Variants in PTPN12 observed in about 807,000 individuals in gnomAD.
PTPN12 encodes the protein protein tyrosine phosphatase non-receptor type 12.
PTPN12 carries 29 observed loss-of-function variants against 97.6 expected under a neutral mutation model. The ratio of observed to expected loss-of-function variants is 0.30; its 90% CI spans 0.22 to 0.41. PTPN12 has a LOEUF of 0.41. Among genes scored for constraint, PTPN12 ranks in the 10% least tolerant of loss-of-function variants. PTPN12 has a pLI of 1.00. For missense variants in PTPN12, 819 were observed against 926.0 expected (o/e 0.88, Z 1.50); for synonymous variants, 327 against 300.4 (o/e 1.09, Z -0.91).
rs1344526329 is a variant in PTPN12, at chr7:77,635,849, A to G, written c.2142A>G (p.Glu714=). Reference sequence around the variant, plus strand: ...AACGATCTGAACAAAAAAAGTCTGAAGTAAGTCCTTTTGGAATTGGAACAG... The same window carrying G: ...AACGATCTGAACAAAAAAAGTCTGAGGTAAGTCCTTTTGGAATTGGAACAG... ...SQERSEQKKS[E]GLITSENEKC... is the part of the protein sequence containing the mutation. Residue 714 remains glutamate, a splice_region_variant and synonymous_variant, in exon 15 of 18, where the codon GAA becomes GAG. Coordinates refer to ENST00000248594, the MANE Select transcript of PTPN12 (RefSeq NM_002835.4). 5.0e-6 allele frequency: 8 copies of G among 1,598,688 alleles called. No homozygotes were observed. The East Asian group carries it at 9.0e-5, about 18-fold the overall frequency.
At chr7:77,626,591 T>C in intron 12 of PTPN12, 114 bp from the exon 13 acceptor site, 1 of 1,188,558 alleles carries the variant, frequency 8.4e-7, no homozygotes, top group Non-Finnish European at 1.2e-6. Context: ...ACTGCAGTTT[T>C]TATTCGCAAC....
intron 2 of PTPN12, among the ~76,000 whole-genome samples, chr7:77,580,195 T>C (rs1212899261): frequency 6.6e-6 from 1 of 152,228 alleles, no homozygotes; most frequent in Non-Finnish European, 1.5e-5. Flanking sequence ...CTGAGTGCAA[T>C]GGTTCACACC....
rs1239911425 is a variant in PTPN12, at chr7:77,583,581, A to G, written c.312A>G (p.Val104=). ...GCGTCTATGGGCCAAAAGCATATGTAGCAACTCAAGGACCTTTAGCAAATA... is the reference window on the plus strand; with the variant it reads ...GCGTCTATGGGCCAAAAGCATATGTGGCAACTCAAGGACCTTTAGCAAATA... The part of the protein sequence containing the change: ...IKGVYGPKAY[V]ATQGPLANTV... The change falls in exon 4 of 18, where the codon GTA becomes GTG. Residue 104 remains valine, a synonymous_variant. Coordinates refer to ENST00000248594, the MANE Select transcript of PTPN12 (RefSeq NM_002835.4). The G allele has an allele frequency of 6.2e-7, 1 of 1,611,306 alleles. No homozygotes were observed. The highest frequency in any genetic ancestry group is 1.3e-5 in the African/African-American group (1 of 74,854).
intron 6 of PTPN12, among the ~76,000 whole-genome samples, chr7:77,593,997 T>C (rs1457729537): frequency 6.6e-6 from 1 of 152,224 alleles, no homozygotes; most frequent in African/African-American, 2.4e-5. Context: ...TTTAGTGCTT[T>C]CTAGGTTGAC....
intron 8 of PTPN12, chr7:77,605,023 T>G (rs1724093329): frequency 5.4e-6 from 1 of 184,704 alleles, no homozygotes; most frequent in South Asian, 8.1e-5. Context: ...ATGTTATACT[T>G]TTAACTATCA....
intron 6 of PTPN12, 77 bp from the exon 7 acceptor site, chr7:77,597,765 A>G (rs887586368): frequency 3.3e-5 from 49 of 1,492,944 alleles, no homozygotes; most frequent in Admixed American, 2.8e-4. Context: ...GGACTTTGAT[A>G]CAAGTATTTT....
intron 7 of PTPN12, 103 bp downstream of exon 7, chr7:77,598,004 G>C: frequency 6.9e-7 from 1 of 1,440,672 alleles, no homozygotes; most frequent in Non-Finnish European, 9.2e-7. Context: ...GAAGTGGGAG[G>C]GTGACTTGAG....
chr7:77,614,939 GTTGT>G (rs1788699938), intron 11 of PTPN12, among the ~76,000 whole-genome samples: 4 of 152,136 alleles, frequency 2.6e-5, no homozygotes, highest in Admixed American at 6.5e-5. Context: ...ATACTAGTTG[GTTGT>G]TTAAGACTTT....
chr7:77,559,574 A>C (rs1048280091), intron 1 of PTPN12, among the ~76,000 whole-genome samples: 1 of 148,586 alleles, frequency 6.7e-6, no homozygotes, highest in African/African-American at 2.5e-5. Flanking sequence ...AATTATTTTA[A>C]ATTACACTTC....
Position 77,627,676 on chromosome 7 carries a change from GTAA to G in PTPN12, c.1996+7_1996+9del. ...ACAACACATTCAGGTGCTGAAAAAG[GTAA>G]TAATATAGTGTCAAATACTTAAATG... is the stretch of plus-strand genomic sequence containing the variant. On this transcript the variant is annotated splice_donor_variant and splice_donor_region_variant and intron_variant, in intron 13 of 17. Coordinates refer to ENST00000248594, the MANE Select transcript of PTPN12 (RefSeq NM_002835.4). LOFTEE classifies it high-confidence loss of function. 2 of 1,557,918 alleles carry G rather than the reference GTAA, an allele frequency of 1.3e-6. No individual in the cohort carries two copies. The highest frequency in any genetic ancestry group is 1.7e-6 in the Non-Finnish European group (2 of 1,155,868).
chr7:77,557,524 A>G (rs761730646), intron 1 of PTPN12, among the ~76,000 whole-genome samples: 10 of 152,298 alleles, frequency 6.6e-5, no homozygotes, highest in Non-Finnish European at 1.2e-4. Flanking sequence ...ATTGAGTGAC[A>G]GATTTTTTTT....
chr7:77,610,686 T>A, intron 9 of PTPN12, 79 bp from the exon 10 acceptor site: 3 of 1,404,994 alleles, frequency 2.1e-6, no homozygotes, highest in Non-Finnish European at 2.9e-6. Context: ...GTATTTAAGT[T>A]TTATGTGAAA....
intron 2 of PTPN12, 56 bp downstream of exon 2, chr7:77,571,242 A>C: frequency 9.5e-7 from 1 of 1,052,382 alleles, no homozygotes; most frequent in Non-Finnish European, 1.4e-6. Flanking sequence ...GCCTTTTGTA[A>C]CCTAACTAGT....
intron 5 of PTPN12, among the ~76,000 whole-genome samples, chr7:77,590,861 G>A (rs527627076): frequency 2.0e-5 from 3 of 151,572 alleles, no homozygotes; most frequent in Non-Finnish European, 4.4e-5. Context: ...ACCACGCCCG[G>A]CCTCCATCTA....
chr7:77,582,216 TC>T (rs1206371921), intron 3 of PTPN12, among the ~76,000 whole-genome samples: 1 of 149,640 alleles, frequency 6.7e-6, no homozygotes, highest in African/African-American at 2.4e-5. Flanking sequence ...TGCCTTGGTC[TC>T]GATCTCCTGA....
At chr7:77,557,731 A>G (rs991076741) in intron 1 of PTPN12, among the ~76,000 whole-genome samples, 4 of 152,174 alleles carry the variant, frequency 2.6e-5, no homozygotes, top group African/African-American at 9.7e-5. Context: ...TTAAAAGAAC[A>G]TTTCAGTAGA....
In PTPN12 at chr7:77,627,582, A is replaced by G; in HGVS notation, c.1903A>G (p.Thr635Ala). The G allele has an allele frequency of 6.2e-7, 1 of 1,613,818 alleles. No individual in the cohort carries two copies. The highest frequency in any genetic ancestry group is 8.5e-7 in the Non-Finnish European group (1 of 1,179,906). ...STASATVSAA[T>A]STESISTRKV... Reference sequence around the variant, plus strand: ...AGCAAGTGCCACAGTTTCTGCTGCCACTAGTACTGAAAGCATTTCTACTAG... The same window carrying G: ...AGCAAGTGCCACAGTTTCTGCTGCCGCTAGTACTGAAAGCATTTCTACTAG... The change falls in exon 13 of 18, where the codon ACT (threonine) becomes GCT (alanine). Residue 635 changes from threonine (T) to alanine (A), a missense_variant. This residue lies in a region of PTPN12 where 607 missense variants were observed against 577.3 expected (regional missense o/e 1.05). Transcript: ENST00000248594.
intron 1 of PTPN12, chr7:77,538,236 A>C: frequency 4.3e-4 from 165 of 384,208 alleles, no homozygotes; most frequent in Middle Eastern, 1.3e-3. Flanking sequence ...AAGGAATCTC[A>C]TGGGTTTACC....
intron 2 of PTPN12, among the ~76,000 whole-genome samples, chr7:77,571,545 A>G (rs1288125167): frequency 1.3e-5 from 2 of 152,184 alleles, no homozygotes; most frequent in Non-Finnish European, 2.9e-5. Context: ...TTTTTCATAT[A>G]TCTATACATA....
Sources: gnomAD v4.1 joint callset for allele counts (sites outside exome capture counted in the v4.1 genomes callset) on GRCh38, gnomAD v4.1.1 for gene constraint, gnomAD v4.1.1 regional missense constraint, MANE v1.5 for transcripts, NCBI Gene and HGNC (gene_info 2026-07-23, HGNC 2026-07-21) for gene names.